The following CEP70 variants were observed in gnomAD, a reference collection of about 807,000 sequenced individuals.
CEP70 encodes the protein centrosomal protein 70, also known as centrosomal protein of 70 kDa.
In CEP70, 70 loss-of-function variants were observed where a neutral mutation model predicts 90.9. The observed-to-expected ratio is 0.77, with a 90% CI of 0.64 to 0.94. The LOEUF is 0.94. CEP70 is among the 40% of genes least tolerant of loss of function. CEP70 has a pLI of 0.00. For synonymous variants in CEP70, 220 were observed against 228.3 expected (o/e 0.96, Z 0.33); for missense variants, 648 against 669.0 (o/e 0.97, Z 0.35).
chr3:138,587,202 CTGAAA>C (rs1198667996), intron 2 of CEP70, among the ~76,000 whole-genome samples: 1 of 151,472 alleles, frequency 6.6e-6, no homozygotes, highest in Non-Finnish European at 1.5e-5. Context: ...CTAATTATTT[CTGAAA>C]TGAAGATTAA....
chr3:138,522,768 G>T (rs2036801920), intron 11 of CEP70, among the ~76,000 whole-genome samples: 1 of 152,180 alleles, frequency 6.6e-6, no homozygotes, highest in African/African-American at 2.4e-5. Flanking sequence ...GGACCAGATG[G>T]ATTCACAGCC....
chr3:138,580,207 T>C (rs2041779000), intron 2 of CEP70, among the ~76,000 whole-genome samples: 1 of 152,038 alleles, frequency 6.6e-6, no homozygotes, highest in Admixed American at 6.6e-5. Flanking sequence ...GAGCACCAGG[T>C]AGGTTTCCAA....
chr3:138,517,327 T>C (rs1418250098), intron 11 of CEP70, among the ~76,000 whole-genome samples: 1 of 152,032 alleles, frequency 6.6e-6, no homozygotes, highest in African/African-American at 2.4e-5. Context: ...GCCTGGTAGG[T>C]CCAAGCCAAA....
chr3:138,574,491 G>A (rs2041383352), intron 2 of CEP70, among the ~76,000 whole-genome samples: 1 of 152,246 alleles, frequency 6.6e-6, no homozygotes, highest in Admixed American at 6.5e-5. Context: ...GCCTGCCTCT[G>A]TAGACTCCAC....
intron 6 of CEP70, among the ~76,000 whole-genome samples, chr3:138,540,963 G>A (rs770601021): frequency 3.9e-5 from 6 of 152,120 alleles, no homozygotes; most frequent in East Asian, 1.9e-4. Context: ...GGAGCTGAAC[G>A]GCATTATCCT....
intron 11 of CEP70, among the ~76,000 whole-genome samples, chr3:138,509,627 G>T (rs2035332678): frequency 6.6e-6 from 1 of 152,076 alleles, no homozygotes; most frequent in Admixed American, 6.6e-5. Flanking sequence ...TTTTAGTTAT[G>T]CAAGGTAAAC....
intron 6 of CEP70, among the ~76,000 whole-genome samples, chr3:138,569,773 T>G (rs1576882101): frequency 6.6e-6 from 1 of 151,982 alleles, no homozygotes; most frequent in Non-Finnish European, 1.5e-5. Context: ...GAGGCTGAGG[T>G]GGAAGGATCA....
In CEP70 at chr3:138,508,524, T is replaced by C. The variant is rs1255435799; in HGVS notation, c.965A>G (p.His322Arg). 1.2e-6 allele frequency: 2 copies of C among 1,609,780 alleles called. No individual in the cohort carries two copies. Among genetic ancestry groups the C allele is most frequent in the East Asian group, 4.5e-5 (2 of 44,814 alleles). ...KNVKLQELIN[H>R]KKAEDTEKKD... ...CTTCTCTGTGTCCTCAGCCTTCTTA[T>C]GATTAATAAGCTCCTGTAATCTAAA... Residue 322 changes from histidine (H) to arginine (R), a missense_variant, in exon 12 of 18, where the codon CAT (histidine) becomes CGT (arginine). Coordinates refer to ENST00000264982, the MANE Select transcript of CEP70 (RefSeq NM_024491.4).
At chr3:138,524,805 C>G (rs1177178672) in intron 11 of CEP70, among the ~76,000 whole-genome samples, 1 of 152,164 alleles carries the variant, frequency 6.6e-6, no homozygotes, top group Non-Finnish European at 1.5e-5. Context: ...AACACTTTTA[C>G]ACTGTTGGTG....
At chr3:138,542,761 C>T (rs930137482) in intron 6 of CEP70, among the ~76,000 whole-genome samples, 4 of 152,208 alleles carry the variant, frequency 2.6e-5, no homozygotes, top group Non-Finnish European at 5.9e-5. Flanking sequence ...CTTTCACTCC[C>T]GCCATTCAGT....
chr3:138,593,804 G>C (rs372103959), intron 1 of CEP70: 13 of 152,298 alleles, frequency 8.5e-5, no homozygotes, highest in African/African-American at 3.1e-4. Context: ...CTTCAGCCCG[G>C]GTCGATTTTG....
intron 6 of CEP70, among the ~76,000 whole-genome samples, chr3:138,539,051 C>T (rs772690611): frequency 1.2e-4 from 18 of 152,148 alleles, no homozygotes; most frequent in Admixed American, 2.0e-4. Flanking sequence ...GTCTCACTGT[C>T]GCCCAGGCTG....
At chr3:138,511,105 T>G (rs1044278643) in intron 11 of CEP70, among the ~76,000 whole-genome samples, 2 of 152,070 alleles carry the variant, frequency 1.3e-5, no homozygotes, top group African/African-American at 2.4e-5. Flanking sequence ...ACTCCTGACC[T>G]TGTGATCCGC....
chr3:138,551,251 T>C (rs565908152), intron 6 of CEP70, among the ~76,000 whole-genome samples: 13 of 152,230 alleles, frequency 8.5e-5, no homozygotes, highest in African/African-American at 1.4e-4. Context: ...GCCAAGAATT[T>C]TGTATCCAGA....
intron 13 of CEP70, among the ~76,000 whole-genome samples, chr3:138,503,530 T>A (rs1194115112): frequency 6.6e-6 from 1 of 152,216 alleles, no homozygotes; most frequent in African/African-American, 2.4e-5. Context: ...ACCTTTGATA[T>A]GAGGCCTCAG....
chr3:138,590,638 A>C (rs2042334537), intron 2 of CEP70, among the ~76,000 whole-genome samples: 1 of 149,218 alleles, frequency 6.7e-6, no homozygotes, highest in Admixed American at 6.6e-5. Context: ...CGTTTCTACT[A>C]AAAATACTAA....
At chr3:138,538,161 A>G (rs1016564309) in intron 6 of CEP70, among the ~76,000 whole-genome samples, 2 of 152,186 alleles carry the variant, frequency 1.3e-5, no homozygotes, top group African/African-American at 4.8e-5. Flanking sequence ...AAGCATCACA[A>G]GTGTCTATAG....
chr3:138,537,064 G>C, intron 7 of CEP70, 114 bp downstream of exon 7: 1 of 586,942 alleles, frequency 1.7e-6, no homozygotes. Flanking sequence ...GGAGGAGAGA[G>C]AGGCTTTTCT....
At chr3:138,535,907 A>G (rs1009682533) in intron 7 of CEP70, among the ~76,000 whole-genome samples, 12 of 151,306 alleles carry the variant, frequency 7.9e-5, no homozygotes, top group African/African-American at 2.9e-4. Context: ...CACACCTCTC[A>G]CTAACATTTT....
Sources: allele counts gnomAD v4.1 joint callset (sites outside exome capture counted in the v4.1 genomes callset), GRCh38; gene constraint gnomAD v4.1.1; transcripts MANE v1.5; gene names NCBI Gene and HGNC (gene_info 2026-07-23, HGNC 2026-07-21).